The following POR variants were observed in gnomAD, a reference collection of about 807,000 sequenced individuals.
POR encodes cytochrome p450 oxidoreductase, also known as NADPH--cytochrome P450 reductase.
POR carries 56 observed loss-of-function variants against 84.0 expected under a neutral mutation model. That is an observed-to-expected ratio of 0.67 (90% CI 0.54 to 0.83). POR has a LOEUF of 0.83. POR is among the 40% of genes least tolerant of loss of function. The pLI, the probability that POR is intolerant of heterozygous loss-of-function variation, is 0.00. For synonymous variants in POR, 414 were observed against 400.5 expected (o/e 1.03, Z -0.40); for missense variants, 938 against 944.3 (o/e 0.99, Z 0.09).
chr7:75,926,374 G>A (rs547864475), intron 1 of POR, among the ~76,000 whole-genome samples: 2 of 152,252 alleles, frequency 1.3e-5, no homozygotes, highest in East Asian at 1.9e-4. Flanking sequence ...GCAGAGCCAC[G>A]AGGTCTTAGA....
At chr7:75,915,377 T>G (rs1191314549) in intron 1 of POR, 198 bp downstream of exon 1, 2 of 152,332 alleles carry the variant, frequency 1.3e-5, no homozygotes, top group African/African-American at 4.8e-5. Context: ...CGCGTCGCCC[T>G]TCCCCTAGAG....
chr7:75,933,471 C>T (rs1350493627), intron 1 of POR, among the ~76,000 whole-genome samples: 2 of 148,270 alleles, frequency 1.3e-5, no homozygotes, highest in Non-Finnish European at 3.0e-5. Context: ...TCACTGCAAC[C>T]TCTGCCTCCC....
At chr7:75,954,557 A>C (rs569058748) in intron 2 of POR, among the ~76,000 whole-genome samples, 1 of 152,012 alleles carries the variant, frequency 6.6e-6, no homozygotes, top group African/African-American at 2.4e-5. Context: ...ATTTGGAGAC[A>C]TGGTCTCACT....
chr7:75,985,783 G>A lies in POR; in HGVS notation c.1603G>A (p.Gly535Ser), dbSNP rs782302782. ...GGCCACCACGCCTGTCATCATGGTG[G>A]GCCCCGGCACCGGGGTGGCACCCTT... The change falls in exon 13 of 16, where the codon GGC becomes AGC. Residue 535 changes from glycine to serine, a missense_variant. By Grantham distance (56) the Gly-to-Ser change is moderately conservative. Transcript: ENST00000461988. 2 of 1,573,274 alleles carry A rather than the reference G, an allele frequency of 1.3e-6. No individual in the cohort carries two copies. The highest frequency in any genetic ancestry group is 1.2e-5 in the South Asian group (1 of 85,724).
At chr7:75,930,419 T>C (rs1218905786) in intron 1 of POR, among the ~76,000 whole-genome samples, 1 of 151,902 alleles carries the variant, frequency 6.6e-6, no homozygotes, top group African/African-American at 2.4e-5. Flanking sequence ...GAGGTAGAGG[T>C]TGTGGTGACC....
At chr7:75,920,481 G>A (rs533144726) in intron 1 of POR, among the ~76,000 whole-genome samples, 36 of 152,166 alleles carry the variant, frequency 2.4e-4, no homozygotes, top group Non-Finnish European at 5.0e-4. Flanking sequence ...ATTGTGGGGC[G>A]TGTCCTCTAA....
Position 75,986,679 on chromosome 7 carries a change from C to T in POR, c.*198C>T. On this transcript the variant is annotated 3_prime_UTR_variant, in exon 16 of 16. Coordinates refer to ENST00000461988, the MANE Select transcript of POR (RefSeq NM_000941.3). Reference sequence around the variant, plus strand: ...TCCACCGGCCCCTGGCAGCACAGCCCAGGGCCTGCATGGGGGCACCGGGCT... The same window carrying T: ...TCCACCGGCCCCTGGCAGCACAGCCTAGGGCCTGCATGGGGGCACCGGGCT... 1 of 676,492 alleles carries T rather than the reference C, an allele frequency of 1.5e-6. No individual in the cohort carries two copies. Among genetic ancestry groups the T allele is most frequent in the Admixed American group, 2.9e-5 (1 of 34,020 alleles). The allele number at this position is 676,492 out of a possible 1,614,324, so 41.9% of individuals were successfully genotyped here.
At chr7:75,972,814 C>T in intron 3 of POR, 1 of 327,284 alleles carries the variant, frequency 3.1e-6, no homozygotes, top group Non-Finnish European at 5.9e-6. Flanking sequence ...TTTCTCTCCG[C>T]TTTGTTTTTG....
intron 1 of POR, among the ~76,000 whole-genome samples, chr7:75,939,388 C>A (rs192116138): frequency 6.6e-5 from 10 of 152,242 alleles, no homozygotes; most frequent in Admixed American, 6.5e-4. Flanking sequence ...TGGGAGTGCT[C>A]AGTACTTTTA....
rs781960448 is a variant in POR at position 75,981,029 on chromosome 7, G to T, written c.517-19G>T. ...CAGGTCGAGGGCCAGGCCTCAGAGC[G>T]GCCCCTGTGTCCACGCAGGTGTTTG... On this transcript the variant is annotated intron_variant, in intron 5 of 15. Transcript: ENST00000461988. 3 of 1,553,726 alleles carry T rather than the reference G, an allele frequency of 1.9e-6. No homozygotes were observed. Among genetic ancestry groups the T allele is most frequent in the Non-Finnish European group, 2.6e-6 (3 of 1,146,426 alleles).
chr7:75,985,812 A>C lies in POR; in HGVS notation c.1632A>C (p.Ile544=), dbSNP rs372404067. ...CCGGCACCGGGGTGGCACCCTTCATAGGCTTCATCCAGGAGCGGGCCTGGC... is the reference window on the plus strand; with the variant it reads ...CCGGCACCGGGGTGGCACCCTTCATCGGCTTCATCCAGGAGCGGGCCTGGC... The change falls in exon 13 of 16, where the codon ATA becomes ATC. Residue 544 remains isoleucine, a synonymous_variant. Transcript: ENST00000461988. 4.3e-5 allele frequency: 67 copies of C among 1,561,126 alleles called. No individual in the cohort carries two copies. Among genetic ancestry groups the C allele is most frequent in the Non-Finnish European group, 5.6e-5 (64 of 1,152,070 alleles).
intron 1 of POR, among the ~76,000 whole-genome samples, chr7:75,931,676 C>T (rs978005821): frequency 1.3e-5 from 2 of 151,954 alleles, no homozygotes; most frequent in Non-Finnish European, 2.9e-5. Context: ...GCCTGTTTTT[C>T]CTTTTAAAGC....
Position 75,986,397 on chromosome 7 carries a change from C to A in POR, c.1959C>A (p.Leu653=). 6.2e-7 allele frequency: 1 copy of A among 1,612,578 alleles called. No individual in the cohort carries two copies. Among genetic ancestry groups the A allele is most frequent in the Non-Finnish European group, 8.5e-7 (1 of 1,179,852 alleles). Reference sequence around the variant, plus strand: ...CCTTCTACGACATCGTGGCTGAGCTCGGGGCCATGGAGCACGCGCAGGCGG... The same window carrying A: ...CCTTCTACGACATCGTGGCTGAGCTAGGGGCCATGGAGCACGCGCAGGCGG... Residue 653 remains leucine (L), a synonymous_variant, in exon 16 of 16, where the codon CTC becomes CTA. Coordinates refer to ENST00000461988, the MANE Select transcript of POR (RefSeq NM_000941.3).
At chr7:75,929,946 A>G (rs374139778) in intron 1 of POR, among the ~76,000 whole-genome samples, 1 of 152,258 alleles carries the variant, frequency 6.6e-6, no homozygotes, top group South Asian at 2.1e-4. Context: ...GAGTTGGGTC[A>G]CCCCTTCCTT....
chr7:75,967,558 T>C (rs1350313650), intron 2 of POR, among the ~76,000 whole-genome samples: 1 of 152,130 alleles, frequency 6.6e-6, no homozygotes, highest in Non-Finnish European at 1.5e-5. Context: ...TCAGTGTGGC[T>C]TCCTTTATGG....
chr7:75,945,125 A>G (rs1368561833), intron 1 of POR, among the ~76,000 whole-genome samples: 1 of 152,032 alleles, frequency 6.6e-6, no homozygotes, highest in Non-Finnish European at 1.5e-5. Flanking sequence ...TACTAAAAAT[A>G]CAAAAATTAG....
chr7:75,937,028 C>T (rs1262474674), intron 1 of POR, among the ~76,000 whole-genome samples: 3 of 151,392 alleles, frequency 2.0e-5, no homozygotes, highest in Admixed American at 1.3e-4. Context: ...GGGGTTTCAC[C>T]GTGCTAGCCA....
chr7:75,935,498 G>A (rs925278391), intron 1 of POR, among the ~76,000 whole-genome samples: 1 of 151,814 alleles, frequency 6.6e-6, no homozygotes, highest in East Asian at 2.0e-4. Context: ...TGCCCCCGTC[G>A]GCCTCCCAAA....
At chr7:75,931,902 C>A (rs146832165) in intron 1 of POR, among the ~76,000 whole-genome samples, 7 of 152,286 alleles carry the variant, frequency 4.6e-5, no homozygotes, top group African/African-American at 1.2e-4. Flanking sequence ...TCAGTTTGCC[C>A]TCCCTGCTGG....
Sources: gnomAD v4.1 joint callset for allele counts (sites outside exome capture counted in the v4.1 genomes callset) on GRCh38, gnomAD v4.1.1 for gene constraint, MANE v1.5 for transcripts, NCBI Gene and HGNC (gene_info 2026-07-23, HGNC 2026-07-21) for gene names.